EEA1: variants seen among roughly 807,000 people sequenced by gnomAD.
The protein encoded by EEA1 is early endosome antigen 1, 162kD.
EEA1 carries 111 observed loss-of-function variants against 209.2 expected under a neutral mutation model. The observed-to-expected ratio is 0.53, with a 90% CI of 0.45 to 0.62. The LOEUF (loss-of-function observed/expected upper bound fraction) is 0.62. Among genes scored for constraint, EEA1 ranks in the 20% least tolerant of loss-of-function variants. The probability of loss-of-function intolerance (pLI) is 0.00; values close to 1 mark genes in which losing one functional copy is unlikely to be tolerated. For synonymous variants in EEA1, 536 were observed against 540.6 expected (o/e 0.99, Z 0.12); for missense variants, 1,343 against 1,530.8 (o/e 0.88, Z 2.05).
rs1399947905 is a variant in EEA1, at chr12:92,917,891, T to C, written c.24+11152A>G. On this transcript the variant is annotated intron_variant, in intron 1 of 28. Transcript: ENST00000322349. ...CACACATAGGCTCAAAATAAAAGGA[T>C]GGAGGAAGATCTACCAAGCAAATGG... is the stretch of plus-strand genomic sequence containing the variant. Among the ~76,000 whole-genome samples, 2 of 52,702 alleles carry C rather than the reference T, an allele frequency of 3.8e-5. 1 individual carries two copies. The highest frequency in any genetic ancestry group is 8.5e-4 in the East Asian group (2 of 2,356). 34.6% of individuals were successfully genotyped at this position (52,702 alleles called of 152,430 possible).
intron 1 of EEA1, among the ~76,000 whole-genome samples, chr12:92,921,638 T>C (rs1277623289): frequency 7.7e-6 from 1 of 130,366 alleles, no homozygotes; most frequent in Non-Finnish European, 1.6e-5. Context: ...TTGGGAGATA[T>C]ACCTAATGCT....
At chr12:92,806,184 GAAAT>G (rs1400344393) in intron 18 of EEA1, among the ~76,000 whole-genome samples, 1 of 151,944 alleles carries the variant, frequency 6.6e-6, no homozygotes, top group African/African-American at 2.4e-5. Context: ...ATAAAGAGGA[GAAAT>G]AAATAAGATA....
At chr12:92,869,582 T>TAA (rs35759690) in intron 2 of EEA1, among the ~76,000 whole-genome samples, 214 of 134,926 alleles carry the variant, frequency 1.6e-3, no homozygotes, top group African/African-American at 4.7e-3. Flanking sequence ...CATCTCTACT[T>TAA]AAAAAAAAAA....
At chr12:92,839,159 G>A (rs1379423490) in intron 10 of EEA1, among the ~76,000 whole-genome samples, 1 of 152,128 alleles carries the variant, frequency 6.6e-6, no homozygotes, top group African/African-American at 2.4e-5. Flanking sequence ...AAATGTGACT[G>A]TTTTTATATT....
At chr12:92,868,782 C>T (rs1022604359) in intron 2 of EEA1, among the ~76,000 whole-genome samples, 39 of 152,078 alleles carry the variant, frequency 2.6e-4, no homozygotes, top group African/African-American at 9.4e-4. Flanking sequence ...TATAATTCCG[C>T]ACCTTCTCAA....
intron 1 of EEA1, among the ~76,000 whole-genome samples, chr12:92,892,283 A>C (rs1228704978): frequency 6.6e-6 from 1 of 151,982 alleles, no homozygotes; most frequent in East Asian, 1.9e-4. Context: ...GTAGAGACGA[A>C]GTTTCACCAT....
At position 92,860,901 on chromosome 12, in the gene EEA1, CAAAG is replaced by C. The variant is rs566583314; in HGVS notation, c.246-3420_246-3417del. Among the ~76,000 whole-genome samples, 15 of 137,570 alleles carry C rather than the reference CAAAG, an allele frequency of 1.1e-4. No homozygotes were observed. In the South Asian group the frequency reaches 1.1e-3, roughly 10 times the overall value. 90.3% of individuals were successfully genotyped at this position (137,570 alleles called of 152,430 possible). ...TCTACCTTAAAAAAAAAAAAGAAGA[CAAAG>C]AAGAAGAGGAGGAGGAGGAAGAGGA... On this transcript the variant is annotated intron_variant, in intron 3 of 28. Transcript: ENST00000322349.
At chr12:92,786,098 T>C (rs11106699) in intron 22 of EEA1, among the ~76,000 whole-genome samples, 14,666 of 152,188 alleles carry the variant, frequency 0.096, 826 homozygotes, top group South Asian at 0.2. Flanking sequence ...ATCTCTTCTA[T>C]CATTTAAATA....
chr12:92,915,049 T>C (rs1880716286), intron 1 of EEA1, among the ~76,000 whole-genome samples: 1 of 152,186 alleles, frequency 6.6e-6, no homozygotes, highest in Non-Finnish European at 1.5e-5. Context: ...ACAGAATTGT[T>C]GCAAAGATTA....
rs138648353 is a variant in EEA1, at chr12:92,813,752, C to T, written c.1930-659G>A. 5.9e-3 allele frequency among the ~76,000 whole-genome samples: 894 copies of T among 152,256 alleles called. 8 individuals carry two copies. The highest frequency in any genetic ancestry group is 0.021 in the African/African-American group (855 of 41,546). ...AAAATAGGCCAAGTGCGGTGGCTCACACCTGTAATCCCAGCACTTTGGGAG... is the reference window on the plus strand; with the variant it reads ...AAAATAGGCCAAGTGCGGTGGCTCATACCTGTAATCCCAGCACTTTGGGAG... On this transcript the variant is annotated intron_variant, in intron 15 of 28. Transcript: ENST00000322349.
chr12:92,910,561 A>C (rs1400827035), intron 1 of EEA1, among the ~76,000 whole-genome samples: 1 of 152,314 alleles, frequency 6.6e-6, no homozygotes, highest in African/African-American at 2.4e-5. Flanking sequence ...AGGAGAAATT[A>C]CTGTGGTTTG....
At chr12:92,789,340 A>G (rs1298700836) in intron 21 of EEA1, among the ~76,000 whole-genome samples, 1 of 151,822 alleles carries the variant, frequency 6.6e-6, no homozygotes, top group African/African-American at 2.4e-5. Context: ...GAAAAGAAAA[A>G]AAACCCAGAT....
intron 12 of EEA1, among the ~76,000 whole-genome samples, chr12:92,826,730 AAG>A (rs1565823993): frequency 2.3e-5 from 2 of 85,736 alleles, no homozygotes. Flanking sequence ...AAAAAAAAAA[AAG>A]AAAAGAAAAA....
chr12:92,824,267 C>T lies in EEA1; in HGVS notation c.1524+1899G>A, dbSNP rs143030069. On this transcript the variant is annotated intron_variant, in intron 13 of 28. Coordinates refer to ENST00000322349, the MANE Select transcript of EEA1 (RefSeq NM_003566.4). ...CTGACTTCTCACTACCACTCTAATC[C>T]AAGCTACATCATTTCTTGTCTGGAT... Among the ~76,000 whole-genome samples the T allele has an allele frequency of 1.1e-3, 171 of 152,298 alleles. 7 individuals carry two copies. In the East Asian group the frequency reaches 0.029, roughly 26 times the overall value.
intron 20 of EEA1, 46 bp downstream of exon 20, chr12:92,801,554 C>A (rs745669489): frequency 3.3e-6 from 4 of 1,223,606 alleles, no homozygotes; most frequent in South Asian, 3.0e-5. Flanking sequence ...AATATAAAGA[C>A]CTTACTATAC....
At position 92,923,210 on chromosome 12, in the gene EEA1, C is replaced by T. The variant is rs947347804; in HGVS notation, c.24+5833G>A. Among the ~76,000 whole-genome samples the T allele has an allele frequency of 2.0e-3, 303 of 150,780 alleles. 3 individuals are homozygous for T. Among genetic ancestry groups the T allele is most frequent in the African/African-American group, 7.2e-3 (295 of 41,114 alleles). On this transcript the variant is annotated intron_variant, in intron 1 of 28. Coordinates refer to ENST00000322349, the MANE Select transcript of EEA1 (RefSeq NM_003566.4). ...AAAATACAAAAAAATTAGCCAGGCACGGTGGTGGGCGCCTGTAGTCCCAGC... is the reference window on the plus strand; with the variant it reads ...AAAATACAAAAAAATTAGCCAGGCATGGTGGTGGGCGCCTGTAGTCCCAGC...
chr12:92,926,661 C>A (rs1408320236), intron 1 of EEA1, among the ~76,000 whole-genome samples: 1 of 152,166 alleles, frequency 6.6e-6, no homozygotes, highest in African/African-American at 2.4e-5. Context: ...ACGGTAGCTT[C>A]ATCTCTTACT....
rs148726294 is a variant in EEA1, at chr12:92,809,146, G to A, written c.2210C>T (p.Ala737Val). Residue 737 changes from alanine to valine, a missense_variant, in exon 18 of 29, where the codon GCT becomes GTT. Ala to Val is a moderately conservative substitution (Grantham distance 64, BLOSUM62 0). This residue lies in a region of EEA1 where 1,307 missense variants were observed against 1,465.5 expected (regional missense o/e 0.89). Coordinates refer to ENST00000322349, the MANE Select transcript of EEA1 (RefSeq NM_003566.4). ...ELEGQIKKLE[A>V]DSLEVKASKE... ...GCTTGCTTTAACTTCAAGACTATCA[G>A]CTTCTAGTTTCTATGAAAGAAATAT... The A allele has an allele frequency of 6.4e-7, 1 of 1,563,980 alleles. No individual in the cohort carries two copies. The highest frequency in any genetic ancestry group is 8.6e-7 in the Non-Finnish European group (1 of 1,157,464).
At chr12:92,835,187 A>G (rs1302469402) in intron 10 of EEA1, among the ~76,000 whole-genome samples, 2 of 151,558 alleles carry the variant, frequency 1.3e-5, no homozygotes, top group East Asian at 3.9e-4. Context: ...GGCCAGCTAT[A>G]AATCATCTTT....
Sources: allele counts gnomAD v4.1 joint callset (sites outside exome capture counted in the v4.1 genomes callset), GRCh38; gene constraint gnomAD v4.1.1; regional missense constraint gnomAD v4.1.1; transcripts MANE v1.5; gene names NCBI Gene and HGNC (gene_info 2026-07-23, HGNC 2026-07-21).